Variants in SLC4A4 observed in about 807,000 individuals in gnomAD.
The protein encoded by SLC4A4 is electrogenic sodium bicarbonate cotransporter 1.
In SLC4A4, 27 loss-of-function variants were observed where a neutral mutation model predicts 111.5. That is an observed-to-expected ratio of 0.24 (90% CI 0.18 to 0.33). SLC4A4 has a LOEUF of 0.33. Among genes scored for constraint, SLC4A4 ranks in the 10% least tolerant of loss-of-function variants. The pLI is 1.00. For synonymous variants in SLC4A4, 443 were observed against 463.4 expected, an observed-to-expected ratio of 0.96 and a Z score of 0.57; for missense variants, 909 against 1,315.5, an observed-to-expected ratio of 0.69 and a Z score of 4.78.
intron 12 of SLC4A4, among the ~76,000 whole-genome samples, chr4:71,454,123 G>A (rs1052481687): frequency 6.6e-6 from 1 of 151,812 alleles, no homozygotes; most frequent in African/African-American, 2.4e-5. Context: ...GGGTTTGCAT[G>A]TTTACCAGTA....
At chr4:71,457,167 G>A (rs1357053332) in intron 12 of SLC4A4, among the ~76,000 whole-genome samples, 2 of 152,140 alleles carry the variant, frequency 1.3e-5, no homozygotes, top group African/African-American at 4.8e-5. Context: ...CCTGTTTGAA[G>A]CATTTATGTT....
At chr4:71,308,241 T>G (rs1374481040) in intron 3 of SLC4A4, among the ~76,000 whole-genome samples, 1 of 152,182 alleles carries the variant, frequency 6.6e-6, no homozygotes, top group Non-Finnish European at 1.5e-5. Context: ...ACACAGTGCC[T>G]AGTAGGGGCT....
chr4:71,427,265 C>T (rs905669342), intron 7 of SLC4A4, among the ~76,000 whole-genome samples: 1 of 151,830 alleles, frequency 6.6e-6, no homozygotes, highest in South Asian at 2.1e-4. Flanking sequence ...TTTAGCTTTT[C>T]TTTTTTTGTA....
At chr4:71,226,746 T>C (rs1719073534) in intron 1 of SLC4A4, among the ~76,000 whole-genome samples, 1 of 152,128 alleles carries the variant, frequency 6.6e-6, no homozygotes, top group African/African-American at 2.4e-5. Flanking sequence ...ATTCAGGGCC[T>C]TTAGACTTAC....
chr4:71,385,143 T>C (rs991532313), intron 6 of SLC4A4, among the ~76,000 whole-genome samples: 2 of 147,056 alleles, frequency 1.4e-5, no homozygotes, highest in Non-Finnish European at 3.0e-5. Flanking sequence ...TTGGTGCTTG[T>C]ACTTTTTATT....
chr4:71,504,688 T>G (rs1314822595), intron 16 of SLC4A4, among the ~76,000 whole-genome samples: 1 of 151,798 alleles, frequency 6.6e-6, no homozygotes, highest in Non-Finnish European at 1.5e-5. Context: ...TATTATTATT[T>G]TTCTTTTTTG....
chr4:71,081,990 C>T (rs541317266), intron 1 of SLC4A4, among the ~76,000 whole-genome samples: 1 of 151,998 alleles, frequency 6.6e-6, no homozygotes, highest in Non-Finnish European at 1.5e-5. Flanking sequence ...GCCTTTCAAC[C>T]CTTAGGTTCT....
At chr4:71,369,871 G>T (rs1264080599) in intron 6 of SLC4A4, among the ~76,000 whole-genome samples, 1 of 152,090 alleles carries the variant, frequency 6.6e-6, no homozygotes, top group Non-Finnish European at 1.5e-5. Context: ...TAATGAAGGA[G>T]ACAGGACATA....
intron 3 of SLC4A4, among the ~76,000 whole-genome samples, chr4:71,304,191 C>A (rs958030196): frequency 6.6e-6 from 1 of 152,006 alleles, no homozygotes; most frequent in East Asian, 1.9e-4. Context: ...TATACATGTG[C>A]GTATATATAT....
intron 2 of SLC4A4, among the ~76,000 whole-genome samples, chr4:71,127,683 TGTTATATAAA>T (rs1436916158): frequency 6.6e-6 from 1 of 152,222 alleles, no homozygotes; most frequent in Non-Finnish European, 1.5e-5. Context: ...TTTTAAGATA[TGTTATATAAA>T]GTATATAGTA....
chr4:71,468,715 A>G (rs1386567554), intron 13 of SLC4A4, among the ~76,000 whole-genome samples: 1 of 138,292 alleles, frequency 7.2e-6, no homozygotes, highest in African/African-American at 2.7e-5. Context: ...ATCAATTACT[A>G]GACTCATTCC....
chr4:71,120,682 A>G (rs1446385443), intron 2 of SLC4A4, among the ~76,000 whole-genome samples: 4 of 152,240 alleles, frequency 2.6e-5, no homozygotes, highest in African/African-American at 9.6e-5. Flanking sequence ...AGCCTGGTCA[A>G]CATGGTGAAA....
chr4:71,316,552 T>C (rs1443857199), intron 3 of SLC4A4, among the ~76,000 whole-genome samples: 2 of 152,138 alleles, frequency 1.3e-5, no homozygotes, highest in African/African-American at 4.8e-5. Flanking sequence ...TATTATGATT[T>C]TTAAAAATTT....
chr4:71,200,314 T>C (rs1481130555), intron 1 of SLC4A4, among the ~76,000 whole-genome samples: 3 of 152,232 alleles, frequency 2.0e-5, no homozygotes, highest in Non-Finnish European at 4.4e-5. Flanking sequence ...TTTAATTGAA[T>C]TTTCTGATAA....
intron 16 of SLC4A4, among the ~76,000 whole-genome samples, chr4:71,505,791 C>G (rs539709464): frequency 3.0e-4 from 45 of 152,100 alleles, no homozygotes; most frequent in African/African-American, 1.1e-3. Flanking sequence ...ACGGTATTGC[C>G]TAGATTTTTT....
chr4:71,466,306 G>T (rs1727305638), intron 12 of SLC4A4, 138 bp from the exon 13 acceptor site: 1 of 953,126 alleles, frequency 1.0e-6, no homozygotes, highest in Admixed American at 2.2e-5. Flanking sequence ...ATGGGTAAAA[G>T]ACTTTGTTCT....
chr4:71,149,807 T>C (rs1373900926), intron 2 of SLC4A4, among the ~76,000 whole-genome samples: 1 of 152,134 alleles, frequency 6.6e-6, no homozygotes, highest in African/African-American at 2.4e-5. Context: ...ACCATGAAAA[T>C]GCAGCCAGAG....
intron 20 of SLC4A4, among the ~76,000 whole-genome samples, chr4:71,553,362 T>C (rs1736201829): frequency 6.6e-6 from 1 of 151,862 alleles, no homozygotes; most frequent in African/African-American, 2.4e-5. Context: ...GGCAAAAGTG[T>C]CCTTCACTTT....
At chr4:71,175,040 T>C (rs1431073878) in intron 2 of SLC4A4, among the ~76,000 whole-genome samples, 1 of 152,254 alleles carries the variant, frequency 6.6e-6, no homozygotes, top group Non-Finnish European at 1.5e-5. Flanking sequence ...CACTGTGTCA[T>C]AGTTTGTAAA....
Sources: allele counts gnomAD v4.1 joint callset (sites outside exome capture counted in the v4.1 genomes callset), GRCh38; gene constraint gnomAD v4.1.1; transcripts MANE v1.5; gene names NCBI Gene and HGNC (gene_info 2026-07-23, HGNC 2026-07-21).